Variants in DPYS observed in about 807,000 individuals in gnomAD.
DPYS encodes dihydropyrimidinase, also known as dihydropyrimidine amidohydrolase.
Under a neutral mutation model 50.3 loss-of-function variants are expected in DPYS, and 39 were observed. The ratio of observed to expected loss-of-function variants is 0.78; its 90% CI spans 0.60 to 1.01. The LOEUF (loss-of-function observed/expected upper bound fraction) is 1.01. Among genes scored for constraint, DPYS ranks in the 50% least tolerant of loss-of-function variants. The probability of loss-of-function intolerance (pLI) is 0.00; values close to 1 mark genes in which losing one functional copy is unlikely to be tolerated. For synonymous variants in DPYS, 245 were observed against 250.7 expected (o/e 0.98, Z 0.22); for missense variants, 659 against 680.9 (o/e 0.97, Z 0.36).
intron 7 of DPYS, among the ~76,000 whole-genome samples, chr8:104,393,779 G>A (rs1158347945): frequency 2.0e-5 from 3 of 152,134 alleles, no homozygotes; most frequent in Admixed American, 6.5e-5. Context: ...TGACTAATAT[G>A]AGCATAATCT....
chr8:104,431,983 C>T (rs1295799602), intron 4 of DPYS, among the ~76,000 whole-genome samples: 1 of 152,156 alleles, frequency 6.6e-6, no homozygotes, highest in Non-Finnish European at 1.5e-5. Context: ...TTTCCAATTT[C>T]ATTTACTGGT....
At chr8:104,380,797 T>C (rs2140495155) in intron 9 of DPYS, 1 of 183,792 alleles carries the variant, frequency 5.4e-6, no homozygotes, top group African/African-American at 2.3e-5. Context: ...AACACCGTTG[T>C]ATTTACAATA....
intron 9 of DPYS, chr8:104,380,980 ACT>A: frequency 1.9e-6 from 1 of 526,360 alleles, no homozygotes; most frequent in Non-Finnish European, 3.5e-6. Context: ...TTAAAGAATG[ACT>A]CTCTAGCAAG....
intron 7 of DPYS, among the ~76,000 whole-genome samples, chr8:104,418,339 T>C (rs73697448): frequency 0.022 from 3,350 of 152,244 alleles, 101 homozygotes; most frequent in African/African-American, 0.074. Flanking sequence ...CAACATCTAA[T>C]GGTGTGAGAC....
intron 7 of DPYS, among the ~76,000 whole-genome samples, chr8:104,407,704 T>C (rs1812041558): frequency 6.6e-6 from 1 of 152,232 alleles, no homozygotes; most frequent in South Asian, 2.1e-4. Flanking sequence ...CACTGCTATA[T>C]TAAAAACAAA....
chr8:104,450,360 T>C (rs866280033), intron 2 of DPYS, among the ~76,000 whole-genome samples: 11 of 152,232 alleles, frequency 7.2e-5, no homozygotes, highest in Non-Finnish European at 1.3e-4. Flanking sequence ...TGTTTTAGAT[T>C]AACTTGCTGT....
chr8:104,390,873 G>A (rs535627006), intron 8 of DPYS, among the ~76,000 whole-genome samples: 2 of 152,244 alleles, frequency 1.3e-5, no homozygotes, highest in East Asian at 3.9e-4. Context: ...CCTTAGCAGT[G>A]TGTCTTGCAT....
chr8:104,426,670 C>A (rs1329236544), intron 6 of DPYS, among the ~76,000 whole-genome samples: 2 of 152,192 alleles, frequency 1.3e-5, no homozygotes. Flanking sequence ...GTGAAAAGGG[C>A]ATGACACTGG....
At chr8:104,399,883 A>G (rs1425252685) in intron 7 of DPYS, among the ~76,000 whole-genome samples, 1 of 151,078 alleles carries the variant, frequency 6.6e-6, no homozygotes, top group Admixed American at 6.6e-5. Flanking sequence ...AAAAAAAAAA[A>G]AAAAAAAGAA....
At chr8:104,381,011 C>T (rs568561728) in intron 9 of DPYS, 173 bp downstream of exon 9, 2 of 606,084 alleles carry the variant, frequency 3.3e-6, no homozygotes, top group East Asian at 6.0e-5. Context: ...CTTCTACAAT[C>T]TGGAAGGCTT....
At chr8:104,380,871 T>C in intron 9 of DPYS, 1 of 251,754 alleles carries the variant, frequency 4.0e-6, no homozygotes, top group Non-Finnish European at 7.9e-6. Flanking sequence ...GAAATTATAC[T>C]CCCTGTCTTA....
intron 1 of DPYS, among the ~76,000 whole-genome samples, chr8:104,460,889 A>G (rs1814131693): frequency 6.6e-6 from 1 of 152,180 alleles, no homozygotes; most frequent in Admixed American, 6.5e-5. Flanking sequence ...TACAACACGA[A>G]TGTTCAAAGC....
rs771123168 is a variant in DPYS, at chr8:104,381,273, TC to T, written c.1484del (p.Gly495GlufsTer6). The T allele has an allele frequency of 6.2e-7, 1 of 1,614,190 alleles. No homozygotes were observed. The highest frequency in any genetic ancestry group is 8.5e-7 in the Non-Finnish European group (1 of 1,180,030). Reference sequence around the variant, plus strand: ...CTCTGGATTTCAGTGTGGCGACTTCTCCCTTATAGGGTGCACGCTCCACAGG... The same window carrying T: ...CTCTGGATTTCAGTGTGGCGACTTCTCCTTATAGGGTGCACGCTCCACAGG... ...PTPVERAPYKGEVATLKSRVT... is the reference protein window; with the variant it reads ...PTPVERAPYKXEVATLKSRVT... On this transcript the variant is annotated frameshift_variant, in exon 9 of 10. Coordinates refer to ENST00000351513, the MANE Select transcript of DPYS (RefSeq NM_001385.3). LOFTEE classifies it high-confidence loss of function.
intron 1 of DPYS, among the ~76,000 whole-genome samples, chr8:104,451,967 T>G (rs770130813): frequency 2.6e-5 from 4 of 152,186 alleles, no homozygotes; most frequent in Non-Finnish European, 4.4e-5. Context: ...ATTCCTCATC[T>G]TGACTATTGT....
chr8:104,424,499 T>A, intron 6 of DPYS, 110 bp from the exon 7 acceptor site: 1 of 1,174,408 alleles, frequency 8.5e-7, no homozygotes, highest in Non-Finnish European at 1.2e-6. Context: ...ACCTAATTTC[T>A]TATATTGTAG....
In DPYS at chr8:104,466,909, G is replaced by A. The variant is rs765217636; in HGVS notation, c.12C>T (p.Pro4=). The change falls in exon 1 of 10, where the codon CCC becomes CCT. Residue 4 remains proline, a synonymous_variant. Transcript: ENST00000351513. ...GACCCCCGCGGATCAGGAGCCGCGA[G>A]GGCGCCGCCATAGCGAGGGGCGCGC... MAA[P]SRLLIRGGRV... is the part of the protein sequence containing the mutation. 1.3e-5 allele frequency: 20 copies of A among 1,497,830 alleles called. No individual in the cohort carries two copies. The highest frequency in any genetic ancestry group is 2.1e-5 in the Admixed American group (1 of 47,280). 92.8% of individuals were successfully genotyped at this position (1,497,830 alleles called of 1,614,324 possible). A position where few individuals can be genotyped will look rare whatever the true frequency, so the allele number is the denominator to read the frequency against.
chr8:104,431,291 C>T (rs1032516024), intron 4 of DPYS, among the ~76,000 whole-genome samples: 1 of 151,926 alleles, frequency 6.6e-6, no homozygotes, highest in Admixed American at 6.6e-5. Context: ...CAGCATCTAC[C>T]GGGAGTCTGC....
At chr8:104,398,802 A>G (rs1396715950) in intron 7 of DPYS, among the ~76,000 whole-genome samples, 1 of 152,128 alleles carries the variant, frequency 6.6e-6, no homozygotes, top group African/African-American at 2.4e-5. Flanking sequence ...AACTCACCCT[A>G]TGCCTTTATT....
intron 7 of DPYS, chr8:104,411,659 CTATT>C (rs1297765849): frequency 1.3e-5 from 2 of 152,172 alleles, no homozygotes; most frequent in Non-Finnish European, 2.9e-5. Flanking sequence ...TAAAACAAAG[CTATT>C]TATTAGAAGA....
Sources: gnomAD v4.1 joint callset for allele counts (sites outside exome capture counted in the v4.1 genomes callset) on GRCh38, gnomAD v4.1.1 for gene constraint, MANE v1.5 for transcripts, NCBI Gene and HGNC (gene_info 2026-07-23, HGNC 2026-07-21) for gene names.